ARHGAP22: variants seen among roughly 807,000 people sequenced by gnomAD.
The protein encoded by ARHGAP22 is Rho GTPase activating protein 22.
ARHGAP22 carries 48 observed loss-of-function variants against 59.1 expected under a neutral mutation model. The observed-to-expected ratio is 0.81, with a 90% CI of 0.64 to 1.03. ARHGAP22 has a LOEUF of 1.03. Ranked by LOEUF, ARHGAP22 falls within the 50% of genes least tolerant of loss-of-function variation. ARHGAP22 has a pLI of 0.00. For synonymous variants in ARHGAP22, 445 were observed against 416.4 expected (o/e 1.07, Z -0.84); for missense variants, 1,015 against 958.7 (o/e 1.06, Z -0.78).
At chr10:48,541,629 G>A (rs913258782) in intron 3 of ARHGAP22, among the ~76,000 whole-genome samples, 8 of 152,202 alleles carry the variant, frequency 5.3e-5, no homozygotes, top group African/African-American at 1.4e-4. Flanking sequence ...CAGGCTGTGG[G>A]GTCAGGCAGG....
At chr10:48,565,544 G>T (rs1007834337) in intron 2 of ARHGAP22, among the ~76,000 whole-genome samples, 6 of 152,184 alleles carry the variant, frequency 3.9e-5, no homozygotes, top group South Asian at 2.1e-4. Context: ...AGTAGACTCT[G>T]TGCATGAACA....
intron 3 of ARHGAP22, among the ~76,000 whole-genome samples, chr10:48,515,911 G>A (rs535876237): frequency 2.0e-3 from 301 of 152,176 alleles, no homozygotes; most frequent in African/African-American, 7.0e-3. Context: ...CCATTCAAAA[G>A]GCTGAGGCAG....
At chr10:48,643,964 A>G (rs1252467930) in intron 1 of ARHGAP22, among the ~76,000 whole-genome samples, 1 of 152,042 alleles carries the variant, frequency 6.6e-6, no homozygotes, top group African/African-American at 2.4e-5. Context: ...CCTAAACGAC[A>G]TGGAGAAACT....
rs2135636744 is a variant in ARHGAP22 at position 48,583,036 on chromosome 10, TG to T, written c.150del (p.Met51Ter). 1 of 1,614,274 alleles carries T rather than the reference TG, an allele frequency of 6.2e-7. No individual in the cohort carries two copies. Among genetic ancestry groups the T allele is most frequent in the Admixed American group, 1.7e-5 (1 of 60,032 alleles). On this transcript the variant is annotated frameshift_variant, in exon 2 of 10. Transcript: ENST00000249601. LOFTEE classifies it high-confidence loss of function. ...KAGWLKKQRS[I>X]MKNWQQRWFV... is the part of the protein sequence containing the mutation. ...AACCAGCGCTGCTGCCAGTTCTTCA[TG>T]ATGCTCCTCTGCTTCTTCAGCCAGC...
At chr10:48,636,345 C>T (rs936981277) in intron 1 of ARHGAP22, among the ~76,000 whole-genome samples, 14 of 152,300 alleles carry the variant, frequency 9.2e-5, no homozygotes, top group Middle Eastern at 3.4e-3. Flanking sequence ...GTGTCCCATG[C>T]TTGGTGCTTG....
rs201086362 is a variant in ARHGAP22 at position 48,479,756 on chromosome 10, C to A, written c.331G>T (p.Gly111Trp). The change falls in exon 4 of 10, where the codon GGG becomes TGG. Residue 111 changes from glycine to tryptophan, a missense_variant. Gly to Trp is a radical substitution (Grantham distance 184, BLOSUM62 -2). Transcript: ENST00000249601. Reference protein sequence around the residue: ...HLFEISPGGAGEREKVPANPE... With the variant: ...HLFEISPGGAWEREKVPANPE... ...TTGGCCGGCACCTTCTCCCGCTCCC[C>A]GGCACCACCTGCAAGACAGGGAGAC... 3.8e-6 allele frequency: 6 copies of A among 1,590,098 alleles called. No individual in the cohort carries two copies. The highest frequency in any genetic ancestry group is 1.7e-4 in the Middle Eastern group (1 of 5,856).
At chr10:48,478,882 C>T (rs563565965) in intron 4 of ARHGAP22, among the ~76,000 whole-genome samples, 30 of 152,184 alleles carry the variant, frequency 2.0e-4, no homozygotes, top group Non-Finnish European at 3.4e-4. Flanking sequence ...ACTGCTGTCC[C>T]TCTATGGTCC....
chr10:48,541,870 A>G (rs1383680998), intron 3 of ARHGAP22, among the ~76,000 whole-genome samples: 1 of 152,210 alleles, frequency 6.6e-6, no homozygotes, highest in East Asian at 1.9e-4. Flanking sequence ...CAAGGGTGAC[A>G]TTACCTATTG....
intron 3 of ARHGAP22, among the ~76,000 whole-genome samples, chr10:48,494,477 C>T (rs1488622439): frequency 5.9e-5 from 9 of 152,336 alleles, no homozygotes; most frequent in East Asian, 1.9e-4. Context: ...TCAGTAAGTA[C>T]AGAGCAAGGG....
chr10:48,454,160 C>T lies in ARHGAP22; in HGVS notation c.794G>A (p.Gly265Asp), dbSNP rs762382896. The T allele has an allele frequency of 6.2e-7, 1 of 1,613,670 alleles. No individual in the cohort carries two copies. ...AQLLTKDEGEGTLELAKQVSN... is the reference protein window; with the variant it reads ...AQLLTKDEGEDTLELAKQVSN... ...CACTTGTTTAGCCAACTCCAGAGTG[C>T]CCTTAGGAATGAAGAACAGAATTTC... The change falls in exon 7 of 10, where the codon GGC (glycine) becomes GAC (aspartate). Residue 265 changes from glycine (G) to aspartate (D), a missense_variant and splice_region_variant. Transcript: ENST00000249601.
intron 4 of ARHGAP22, among the ~76,000 whole-genome samples, chr10:48,471,635 A>C (rs1378521679): frequency 3.9e-5 from 6 of 152,194 alleles, no homozygotes; most frequent in Non-Finnish European, 7.3e-5. Flanking sequence ...CCAGATGCCC[A>C]GCCAGACACC....
chr10:48,496,645 C>T (rs995712620), intron 3 of ARHGAP22, among the ~76,000 whole-genome samples: 19 of 152,122 alleles, frequency 1.2e-4, no homozygotes, highest in African/African-American at 4.1e-4. Flanking sequence ...TCCTTGTCCC[C>T]GGGTGCCTGC....
chr10:48,580,683 TA>T lies in ARHGAP22; in HGVS notation c.234+2269del, dbSNP rs1339583806. The stretch of plus-strand genomic sequence containing the variant: ...CACTGTTGAAGGGCCAAGGCTGGTC[TA>T]CAAAACTGGGAGGCCAGAAGGAAAT... On this transcript the variant is annotated intron_variant, in intron 2 of 9. Transcript: ENST00000249601. Among the ~76,000 whole-genome samples the T allele has an allele frequency of 3.9e-5, 6 of 152,070 alleles. No individual in the cohort carries two copies. In the South Asian group the frequency reaches 8.3e-4, roughly 21 times the overall value.
intron 4 of ARHGAP22, among the ~76,000 whole-genome samples, chr10:48,460,278 TGTTCTATTCTTACCATGGAACACA>T (rs2047014240): frequency 6.6e-6 from 1 of 152,326 alleles, no homozygotes; most frequent in Non-Finnish European, 1.5e-5. Flanking sequence ...AGATCTCCTG[TGTTCTATTCTTACCATGGAACACA>T]GTGCAGCAAT....
intron 3 of ARHGAP22, among the ~76,000 whole-genome samples, chr10:48,512,725 T>C (rs2052906063): frequency 6.6e-6 from 1 of 152,066 alleles, no homozygotes; most frequent in Non-Finnish European, 1.5e-5. Flanking sequence ...GCACAAACAG[T>C]AGATGGCAGA....
chr10:48,598,903 C>T lies in ARHGAP22; in HGVS notation c.34+5860G>A, dbSNP rs142330315. Among the ~76,000 whole-genome samples, 307 of 152,318 alleles carry T rather than the reference C, an allele frequency of 2.0e-3. 1 individual carries two copies. Among genetic ancestry groups the T allele is most frequent in the African/African-American group, 6.9e-3 (285 of 41,574 alleles). ...AGCCTGGCATGTAAATGTGAAGGCA[C>T]GCACTATATGTTCAGAAGCCTTTGG... On this transcript the variant is annotated intron_variant, in intron 1 of 9. Transcript: ENST00000249601.
chr10:48,574,233 C>T (rs2058571178), intron 2 of ARHGAP22, among the ~76,000 whole-genome samples: 1 of 124,988 alleles, frequency 8.0e-6, no homozygotes, highest in South Asian at 3.5e-4. Context: ...TTATTTTTCT[C>T]ATTTATTCAT....
At chr10:48,553,309 C>T (rs1053121224) in intron 3 of ARHGAP22, among the ~76,000 whole-genome samples, 33 of 152,238 alleles carry the variant, frequency 2.2e-4, no homozygotes, top group African/African-American at 7.5e-4. Flanking sequence ...GGGAGCAGCT[C>T]GCAGGATCTG....
intron 2 of ARHGAP22, among the ~76,000 whole-genome samples, chr10:48,567,681 T>G (rs2058134066): frequency 6.6e-6 from 1 of 151,912 alleles, no homozygotes; most frequent in African/African-American, 2.4e-5. Context: ...TGGGCAGGAG[T>G]GACAGCATCC....
Sources: allele counts gnomAD v4.1 joint callset (sites outside exome capture counted in the v4.1 genomes callset), GRCh38; gene constraint gnomAD v4.1.1; transcripts MANE v1.5; gene names NCBI Gene and HGNC (gene_info 2026-07-23, HGNC 2026-07-21).